B3GALT1: variants seen among roughly 807,000 people sequenced by gnomAD.
The protein encoded by B3GALT1 is beta-1,3-galactosyltransferase 1.
Under a neutral mutation model 23.2 loss-of-function variants are expected in B3GALT1, and 10 were observed. That is an observed-to-expected ratio of 0.43 (90% CI 0.27 to 0.73). B3GALT1 has a LOEUF of 0.73. B3GALT1 is among the 30% of genes least tolerant of loss of function. The probability of loss-of-function intolerance (pLI) is 0.21; values close to 1 mark genes in which losing one functional copy is unlikely to be tolerated. For synonymous variants in B3GALT1, 156 were observed against 141.5 expected (o/e 1.10, Z -0.73); for missense variants, 299 against 405.4 (o/e 0.74, Z 2.25).
chr2:167,339,406 T>G, intron 1 of B3GALT1, among the ~76,000 whole-genome samples: 1 of 145,156 alleles, frequency 6.9e-6, no homozygotes, highest in African/African-American at 2.6e-5. Context: ...AGTGTGGGGG[T>G]GAGTGTGGAT....
At chr2:167,511,108 T>C (rs1426627004) in intron 2 of B3GALT1, among the ~76,000 whole-genome samples, 1 of 152,212 alleles carries the variant, frequency 6.6e-6, no homozygotes, top group African/African-American at 2.4e-5. Context: ...AGGATGTTTG[T>C]TGTAGTGTTT....
chr2:167,337,551 G>T (rs1254757897), intron 1 of B3GALT1, among the ~76,000 whole-genome samples: 2 of 151,976 alleles, frequency 1.3e-5, no homozygotes, highest in African/African-American at 4.8e-5. Flanking sequence ...AAATAGATTT[G>T]TGTATTCATT....
At chr2:167,715,859 C>T in intron 3 of B3GALT1, 1 of 1,613,850 alleles carries the variant, frequency 6.2e-7, no homozygotes, top group South Asian at 1.1e-5. Flanking sequence ...CCACATAAAG[C>T]CGACTCCTAA....
chr2:167,730,373 A>T lies in B3GALT1; in HGVS notation c.-352+83407A>T, dbSNP rs189383555. On this transcript the variant is annotated intron_variant, in intron 3 of 4. Transcript: ENST00000392690. ...AGAAAGCTCTTCAAACTTCACTAGCAAAGTGTTGTTTTCTTGCTTTTTTCA... is the reference window on the plus strand; with the variant it reads ...AGAAAGCTCTTCAAACTTCACTAGCTAAGTGTTGTTTTCTTGCTTTTTTCA... 1.2e-3 allele frequency among the ~76,000 whole-genome samples: 176 copies of T among 152,330 alleles called. 2 individuals are homozygous for T. Among genetic ancestry groups the T allele is most frequent in the African/African-American group, 4.0e-3 (166 of 41,574 alleles).
chr2:167,455,663 C>G (rs1303413505), intron 1 of B3GALT1, among the ~76,000 whole-genome samples: 5 of 152,100 alleles, frequency 3.3e-5, no homozygotes. Context: ...CAGGCACACA[C>G]CACCACACCC....
At chr2:167,418,383 G>T (rs1467650109) in intron 1 of B3GALT1, among the ~76,000 whole-genome samples, 1 of 151,978 alleles carries the variant, frequency 6.6e-6, no homozygotes, top group African/African-American at 2.4e-5. Context: ...GCAGAGGTAG[G>T]GGCTTAAGGC....
At chr2:167,833,408 A>T (rs891384823) in intron 4 of B3GALT1, among the ~76,000 whole-genome samples, 1 of 152,216 alleles carries the variant, frequency 6.6e-6, no homozygotes, top group Non-Finnish European at 1.5e-5. Context: ...AAATAGAGGC[A>T]CTAGGGATTA....
intron 1 of B3GALT1, among the ~76,000 whole-genome samples, chr2:167,467,560 G>A (rs73022083): frequency 0.011 from 1,625 of 152,254 alleles, 26 homozygotes; most frequent in African/African-American, 0.037. Context: ...CATATGACTG[G>A]CAGAGTTGTG....
intron 1 of B3GALT1, among the ~76,000 whole-genome samples, chr2:167,399,981 A>C (rs1167210228): frequency 6.6e-6 from 1 of 152,148 alleles, no homozygotes; most frequent in Non-Finnish European, 1.5e-5. Flanking sequence ...TATGAAACAT[A>C]AAATTCTAAA....
At chr2:167,378,411 A>G (rs1444790983) in intron 1 of B3GALT1, among the ~76,000 whole-genome samples, 1 of 152,054 alleles carries the variant, frequency 6.6e-6, no homozygotes, top group Non-Finnish European at 1.5e-5. Context: ...TCTCTCAAAT[A>G]TATTTTCTGG....
At chr2:167,492,134 C>T (rs549448530) in intron 2 of B3GALT1, among the ~76,000 whole-genome samples, 1 of 152,282 alleles carries the variant, frequency 6.6e-6, no homozygotes, top group African/African-American at 2.4e-5. Flanking sequence ...CCTCTGATTC[C>T]CTCTTCTCTC....
At position 167,792,565 on chromosome 2, in the gene B3GALT1, A is replaced by G. The variant is rs151245425; in HGVS notation, c.-351-26107A>G. On this transcript the variant is annotated intron_variant, in intron 3 of 4. Coordinates refer to ENST00000392690, the MANE Select transcript of B3GALT1 (RefSeq NM_020981.4). ...GGGATAAGTAGGAGCCAGTTGAACA[A>G]TGTCCTAAAAGAGCATTTTAGGATA... is the stretch of plus-strand genomic sequence containing the variant. 5.8e-3 allele frequency among the ~76,000 whole-genome samples: 883 copies of G among 152,316 alleles called. 13 individuals are homozygous for G. The highest frequency in any genetic ancestry group is 5.2e-3 in the Non-Finnish European group (352 of 68,020).
At chr2:167,496,352 A>G (rs1183949112) in intron 2 of B3GALT1, among the ~76,000 whole-genome samples, 2 of 152,174 alleles carry the variant, frequency 1.3e-5, no homozygotes, top group Non-Finnish European at 2.9e-5. Context: ...AAGGTTAATG[A>G]GAAGATAAAT....
At chr2:167,498,938 G>A (rs1472392196) in intron 2 of B3GALT1, among the ~76,000 whole-genome samples, 1 of 152,124 alleles carries the variant, frequency 6.6e-6, no homozygotes, top group African/African-American at 2.4e-5. Flanking sequence ...AACAGGAAAA[G>A]AGGCTGGTAT....
chr2:167,654,782 C>G (rs1685928729), intron 3 of B3GALT1, among the ~76,000 whole-genome samples: 2 of 147,236 alleles, frequency 1.4e-5, no homozygotes, highest in African/African-American at 5.0e-5. Flanking sequence ...AGACATAAGC[C>G]ACAACACCCA....
At chr2:167,829,291 G>A (rs1282865869) in intron 4 of B3GALT1, among the ~76,000 whole-genome samples, 1 of 152,074 alleles carries the variant, frequency 6.6e-6, no homozygotes, top group African/African-American at 2.4e-5. Flanking sequence ...AGACCAGCCT[G>A]GCCAACATAG....
chr2:167,348,295 A>T (rs1697256324), intron 1 of B3GALT1, among the ~76,000 whole-genome samples: 1 of 152,130 alleles, frequency 6.6e-6, no homozygotes, highest in African/African-American at 2.4e-5. Context: ...CTTTTCAGTA[A>T]TTTTTATATT....
At chr2:167,442,226 G>A (rs186988749) in intron 1 of B3GALT1, among the ~76,000 whole-genome samples, 2,580 of 150,790 alleles carry the variant, frequency 0.017, 78 homozygotes, top group African/African-American at 0.061. Context: ...TTTTTATGGC[G>A]CATAGTATTC....
At chr2:167,721,467 C>T (rs928164159) in intron 3 of B3GALT1, among the ~76,000 whole-genome samples, 1 of 151,670 alleles carries the variant, frequency 6.6e-6, no homozygotes, top group Non-Finnish European at 1.5e-5. Flanking sequence ...ATTTTTTTTT[C>T]CCATCAGAAA....
Sources: gnomAD v4.1 joint callset for allele counts (sites outside exome capture counted in the v4.1 genomes callset) on GRCh38, gnomAD v4.1.1 for gene constraint, MANE v1.5 for transcripts, NCBI Gene and HGNC (gene_info 2026-07-23, HGNC 2026-07-21) for gene names.